The following NOTCH2 variants were observed in gnomAD, a reference collection of about 807,000 sequenced individuals.
NOTCH2 encodes the protein notch receptor 2.
In NOTCH2, 29 loss-of-function variants were observed where a neutral mutation model predicts 235.8. The ratio of observed to expected loss-of-function variants is 0.12; its 90% CI spans 0.09 to 0.17. The LOEUF is 0.17. NOTCH2 is among the 10% of genes least tolerant of loss of function. The pLI is 1.00. For missense variants in NOTCH2, 2,285 were observed against 3,150.2 expected, an observed-to-expected ratio of 0.73 and a Z score of 6.57; for synonymous variants, 1,086 against 1,141.5, an observed-to-expected ratio of 0.95 and a Z score of 0.98.
chr1:120,065,361 G>C (rs1319116052), intron 1 of NOTCH2, among the ~76,000 whole-genome samples: 4 of 152,188 alleles, frequency 2.6e-5, no homozygotes, highest in African/African-American at 9.6e-5. Context: ...TACAGGGGTA[G>C]GGTATGGGCA....
chr1:119,921,818 A>T lies in NOTCH2; in HGVS notation c.5214-9T>A. The T allele has an allele frequency of 1.2e-6, 2 of 1,605,990 alleles. No homozygotes were observed. Among genetic ancestry groups the T allele is most frequent in the Non-Finnish European group, 1.7e-6 (2 of 1,172,590 alleles). ...CTTGCACTGAGAGATTTCTAATATGATTATAAAAAGAAAAAATAAGAATGG... is the reference window on the plus strand; with the variant it reads ...CTTGCACTGAGAGATTTCTAATATGTTTATAAAAAGAAAAAATAAGAATGG... On this transcript the variant is annotated splice_polypyrimidine_tract_variant and intron_variant, in intron 28 of 33. Transcript: ENST00000256646.
chr1:119,953,267 C>T lies in NOTCH2; in HGVS notation c.2365+276G>A, dbSNP rs587749217. Among the ~76,000 whole-genome samples, 20 of 151,640 alleles carry T rather than the reference C, an allele frequency of 1.3e-4. No homozygotes were observed. The East Asian group carries it at 1.4e-3, about 10-fold the overall frequency. ...TAGAGCTTGCAGTGAGCCAAGATCA[C>T]GCACCATTGCACTCCAGCCTGGGCA... On this transcript the variant is annotated intron_variant, in intron 14 of 33. Coordinates refer to ENST00000256646, the MANE Select transcript of NOTCH2 (RefSeq NM_024408.4).
chr1:119,953,236 G>A (rs976775800), intron 14 of NOTCH2, among the ~76,000 whole-genome samples: 3 of 152,056 alleles, frequency 2.0e-5, no homozygotes, highest in East Asian at 1.9e-4. Flanking sequence ...GCTTGAACCC[G>A]GGAGGTAGAG....
intron 1 of NOTCH2, 39 bp downstream of exon 1, chr1:120,069,295 C>T: frequency 6.5e-7 from 1 of 1,535,952 alleles, no homozygotes; most frequent in Non-Finnish European, 8.7e-7. Context: ...GGTGGCAGCC[C>T]CGGGCGCCGC....
intron 5 of NOTCH2, among the ~76,000 whole-genome samples, chr1:119,983,896 T>G (rs587635086): frequency 6.6e-6 from 1 of 152,318 alleles, no homozygotes; most frequent in East Asian, 1.9e-4. Flanking sequence ...CCTATCTTTT[T>G]TCAGCCATAT....
At chr1:120,045,449 C>T (rs1278393663) in intron 1 of NOTCH2, among the ~76,000 whole-genome samples, 4 of 115,984 alleles carry the variant, frequency 3.4e-5, no homozygotes, top group South Asian at 2.7e-4. Flanking sequence ...AGCTTACTTG[C>T]TAGTTAAGGT....
intron 20 of NOTCH2, 81 bp downstream of exon 20, chr1:119,937,776 A>G (rs1421298684): frequency 1.2e-5 from 19 of 1,542,802 alleles, no homozygotes; most frequent in Admixed American, 5.1e-5. Context: ...CTTATTCCAC[A>G]AAAAAATGAT....
rs1553195958 is a variant in NOTCH2, at chr1:119,937,862, C to T, written c.3332G>A (p.Arg1111Lys). 1 of 1,614,210 alleles carries T rather than the reference C, an allele frequency of 6.2e-7. No individual in the cohort carries two copies. The change falls in exon 20 of 34, where the codon AGG becomes AAG. Residue 1111 changes from arginine to lysine, a missense_variant. This residue lies in a region of NOTCH2 where 1,173 missense variants were observed against 1,515.3 expected (regional missense o/e 0.77). Transcript: ENST00000256646. ...CCCAAGGGAGCAAAGCTTACCTCTC[C>T]TGGAGGCTGCTATGTCACAAGAGAC... ...PNVSCDIAAS[R>K]RGVLVEHLCQ...
At chr1:119,994,542 A>T (rs1353546790) in intron 4 of NOTCH2, 15 of 143,814 alleles carry the variant, frequency 1.0e-4, no homozygotes, top group Non-Finnish European at 1.9e-4. Flanking sequence ...ACACACACAC[A>T]CACACACACA....
chr1:119,943,373 A>G (rs1456010935), intron 17 of NOTCH2, among the ~76,000 whole-genome samples: 1 of 152,170 alleles, frequency 6.6e-6, no homozygotes, highest in African/African-American at 2.4e-5. Context: ...AGGCAGAATA[A>G]TCCCTAGAGG....
At chr1:119,932,214 T>C (rs1268565083) in intron 22 of NOTCH2, among the ~76,000 whole-genome samples, 5 of 152,128 alleles carry the variant, frequency 3.3e-5, no homozygotes, top group African/African-American at 9.7e-5. Context: ...GCCTGCAAGA[T>C]AACTGAAATA....
chr1:119,965,667 T>C (rs1651108359), intron 9 of NOTCH2, 101 bp from the exon 10 acceptor site: 1 of 845,584 alleles, frequency 1.2e-6, no homozygotes, highest in Non-Finnish European at 2.1e-6. Flanking sequence ...TACCAATGGG[T>C]CAATAAGCCT....
intron 13 of NOTCH2, 140 bp downstream of exon 13, chr1:119,954,900 G>C: frequency 2.5e-6 from 2 of 793,946 alleles, no homozygotes; most frequent in East Asian, 2.7e-5. Context: ...TAATTCAGAA[G>C]GCTTTGATGC....
At chr1:119,981,325 G>A (rs929279630) in intron 5 of NOTCH2, among the ~76,000 whole-genome samples, 4 of 152,084 alleles carry the variant, frequency 2.6e-5, no homozygotes, top group Non-Finnish European at 4.4e-5. Flanking sequence ...GCTTCCTAGT[G>A]TGGTTATGTG....
chr1:119,914,617 A>C lies in NOTCH2; in HGVS notation c.*689T>G, dbSNP rs1649000966. On this transcript the variant is annotated 3_prime_UTR_variant, in exon 34 of 34. Coordinates refer to ENST00000256646, the MANE Select transcript of NOTCH2 (RefSeq NM_024408.4). ...AGGAATGATATATGCAGGAGAACACAATACAGTATGTCCATTTTCCAAAGA... is the reference window on the plus strand; with the variant it reads ...AGGAATGATATATGCAGGAGAACACCATACAGTATGTCCATTTTCCAAAGA... The C allele has an allele frequency of 4.2e-6, 1 of 238,724 alleles. No individual in the cohort carries two copies. The highest frequency in any genetic ancestry group is 5.2e-5 in the Admixed American group (1 of 19,312). 14.8% of individuals were successfully genotyped at this position (238,724 alleles called of 1,614,324 possible).
intron 23 of NOTCH2, among the ~76,000 whole-genome samples, chr1:119,926,832 T>C (rs903762670): frequency 9.2e-5 from 14 of 152,134 alleles, no homozygotes; most frequent in African/African-American, 2.9e-4. Context: ...CTGTCTTGCC[T>C]ACACAGTAAG....
chr1:119,964,406 C>T (rs1221527094), intron 10 of NOTCH2, among the ~76,000 whole-genome samples: 1 of 152,184 alleles, frequency 6.6e-6, no homozygotes, highest in Non-Finnish European at 1.5e-5. Flanking sequence ...CCCTAAAAGA[C>T]TCCAGGAGTC....
chr1:119,965,448 C>T lies in NOTCH2; in HGVS notation c.1681+5G>A. 1 of 1,608,324 alleles carries T rather than the reference C, an allele frequency of 6.2e-7. No homozygotes were observed. Among genetic ancestry groups the T allele is most frequent in the South Asian group, 1.1e-5 (1 of 90,962 alleles). ...CAAGGAGATGAAAAGTGAGAAGAAT[C>T]TTACCTGTGGCACACTGGCATTCAT... On this transcript the variant is annotated splice_donor_5th_base_variant and intron_variant, in intron 10 of 33. Coordinates refer to ENST00000256646, the MANE Select transcript of NOTCH2 (RefSeq NM_024408.4).
Position 119,950,605 on chromosome 1 carries a change from T to A in NOTCH2, c.2479+119A>T, listed in dbSNP as rs587721447. 9.9e-5 allele frequency: 75 copies of A among 759,354 alleles called. No individual in the cohort carries two copies. In the South Asian group the frequency reaches 1.0e-3, roughly 10 times the overall value. The allele number at this position is 759,354 out of a possible 1,614,324, so 47.0% of individuals were successfully genotyped here. A position where few individuals can be genotyped will look rare whatever the true frequency, so the allele number is the denominator to read the frequency against. Reference sequence around the variant, plus strand: ...AGTCAGTAAAGGCAGGAAGGACAACTGAGGAGTGAGCCCTCGGAGGAGCAT... The same window carrying A: ...AGTCAGTAAAGGCAGGAAGGACAACAGAGGAGTGAGCCCTCGGAGGAGCAT... On this transcript the variant is annotated intron_variant, in intron 15 of 33. Coordinates refer to ENST00000256646, the MANE Select transcript of NOTCH2 (RefSeq NM_024408.4).
Sources: allele counts gnomAD v4.1 joint callset (sites outside exome capture counted in the v4.1 genomes callset), GRCh38; gene constraint gnomAD v4.1.1; regional missense constraint gnomAD v4.1.1; transcripts MANE v1.5; gene names NCBI Gene and HGNC (gene_info 2026-07-23, HGNC 2026-07-21).